Variants in KATNAL2 observed in about 807,000 individuals in gnomAD.
KATNAL2 encodes katanin catalytic subunit A1 like 2, also known as katanin p60 ATPase-containing subunit A-like 2.
KATNAL2 carries 52 observed loss-of-function variants against 76.3 expected under a neutral mutation model. The ratio of observed to expected loss-of-function variants is 0.68; its 90% CI spans 0.55 to 0.86. KATNAL2 has a LOEUF of 0.86. KATNAL2 is among the 40% of genes least tolerant of loss of function. The pLI, the probability that KATNAL2 is intolerant of heterozygous loss-of-function variation, is 0.00. For missense variants in KATNAL2, 660 were observed against 668.9 expected, an observed-to-expected ratio of 0.99 and a Z score of 0.15; for synonymous variants, 243 against 244.2, an observed-to-expected ratio of 1.00 and a Z score of 0.05.
Position 46,946,057 on chromosome 18 carries a change from A to C in KATNAL2, c.-509A>C, listed in dbSNP as rs551235799. The C allele has an allele frequency of 2.0e-4, 64 of 328,152 alleles. No individual in the cohort carries two copies. The highest frequency in any genetic ancestry group is 1.2e-3 in the African/African-American group (55 of 44,488). The allele number at this position is 328,152 out of a possible 1,614,324, so 20.3% of individuals were successfully genotyped here. The stretch of plus-strand genomic sequence containing the variant: ...TACGAGAACTTTTTTTTTTTTGTAG[A>C]TTGAGGAAACTTGAATATTTTTGTA... On this transcript the variant is annotated splice_region_variant and 5_prime_UTR_variant, in exon 2 of 18. Transcript: ENST00000683218.
intron 1 of KATNAL2, among the ~76,000 whole-genome samples, chr18:46,931,355 T>A (rs2058916142): frequency 6.6e-6 from 1 of 151,048 alleles, no homozygotes; most frequent in South Asian, 2.1e-4. Context: ...TTAAATAGAA[T>A]TCAAAATTTA....
intron 4 of KATNAL2, among the ~76,000 whole-genome samples, chr18:47,048,825 ACT>A: frequency 8.2e-6 from 1 of 121,344 alleles, no homozygotes; most frequent in South Asian, 2.6e-4. Context: ...TAGAAGCCAG[ACT>A]CTTTTTTTTT....
At chr18:47,046,602 A>G in intron 4 of KATNAL2, 75 bp downstream of exon 4, 1 of 1,036,302 alleles carries the variant, frequency 9.6e-7, no homozygotes, top group Non-Finnish European at 1.4e-6. Context: ...GCGTACTTTT[A>G]AATACAATAG....
In KATNAL2 at chr18:47,099,273, G is replaced by A. The variant is rs1487711700; in HGVS notation, c.1242G>A (p.Leu414=). The A allele has an allele frequency of 6.2e-7, 1 of 1,614,086 alleles. No individual in the cohort carries two copies. Among genetic ancestry groups the A allele is most frequent in the Non-Finnish European group, 8.5e-7 (1 of 1,179,948 alleles). The change falls in exon 16 of 18, where the codon CTG becomes CTA. Residue 414 remains leucine (L), a synonymous_variant. Transcript: ENST00000683218. ...WELDCAMLRR[L]EKRILVDLPS... is the part of the protein sequence containing the mutation. ...TGGACTGTGCCATGTTACGCCGCCT[G>A]GAGAAGAGGATTCTGGTCGATCTCC... is the stretch of plus-strand genomic sequence containing the variant.
At chr18:47,096,364 A>G (rs2063236666) in intron 15 of KATNAL2, among the ~76,000 whole-genome samples, 1 of 152,114 alleles carries the variant, frequency 6.6e-6, no homozygotes, top group East Asian at 1.9e-4. Flanking sequence ...TTATTTTTTA[A>G]AAAATTTATT....
intron 1 of KATNAL2, among the ~76,000 whole-genome samples, chr18:46,918,724 C>T (rs2058298971): frequency 6.6e-6 from 1 of 152,056 alleles, no homozygotes; most frequent in Non-Finnish European, 1.5e-5. Flanking sequence ...ACCCGGCCTC[C>T]CCTCAAGTTT....
chr18:47,036,135 G>C (rs1288563308), intron 3 of KATNAL2, among the ~76,000 whole-genome samples: 1 of 152,112 alleles, frequency 6.6e-6, no homozygotes, highest in African/African-American at 2.4e-5. Context: ...ACTGGGTGCC[G>C]TTTGCAGAAT....
chr18:46,955,850 G>A (rs954471847), intron 3 of KATNAL2, among the ~76,000 whole-genome samples: 5 of 152,140 alleles, frequency 3.3e-5, no homozygotes, highest in Non-Finnish European at 2.9e-5. Context: ...ACCTTGCCTG[G>A]TTTGGGTCAT....
At chr18:47,033,682 G>A (rs758290047) in intron 3 of KATNAL2, 3 of 1,614,088 alleles carry the variant, frequency 1.9e-6, no homozygotes, top group Non-Finnish European at 2.5e-6. Flanking sequence ...CTGGCGCAGC[G>A]TCGGCACCTG....
Position 47,099,385 on chromosome 18 carries a change from G to A in KATNAL2, c.1354G>A (p.Glu452Lys). The A allele has an allele frequency of 6.2e-7, 1 of 1,613,502 alleles. No homozygotes were observed. The highest frequency in any genetic ancestry group is 8.5e-7 in the Non-Finnish European group (1 of 1,179,626). The change falls in exon 16 of 18, where the codon GAG becomes AAG. Residue 452 changes from glutamate to lysine, a missense_variant. Coordinates refer to ENST00000683218, the MANE Select transcript of KATNAL2 (RefSeq NM_001387690.1). ...GGCCTTGGAGCTGCACACAGAGCTG[G>A]AGTACAGTGTGCTGAGCCAGGTCAG... is the stretch of plus-strand genomic sequence containing the variant. ...SRALELHTEL[E>K]YSVLSQETEG... is the part of the protein sequence containing the mutation.
rs2571029 is a variant in KATNAL2 at position 47,034,219 on chromosome 18, C to G, written c.52-12238C>G. On this transcript the variant is annotated intron_variant, in intron 3 of 17. Transcript: ENST00000683218. Reference sequence around the variant, plus strand: ...GTCCAAATGAGCAGTCGGTGGCTTCCCCTCTTGAGTCTCTCGGTCGTTGGA... The same window carrying G: ...GTCCAAATGAGCAGTCGGTGGCTTCGCCTCTTGAGTCTCTCGGTCGTTGGA... 14 of 1,613,770 alleles carry G rather than the reference C, an allele frequency of 8.7e-6. No homozygotes were observed. In the Admixed American group the frequency reaches 1.0e-4, roughly 12 times the overall value.
chr18:47,033,906 C>G (rs770220168), intron 3 of KATNAL2: 5 of 1,613,202 alleles, frequency 3.1e-6, no homozygotes, highest in South Asian at 2.2e-5. Flanking sequence ...GGCTGGGCAC[C>G]GTTTTCGGCC....
chr18:46,947,829 T>C (rs1464655543), intron 3 of KATNAL2, among the ~76,000 whole-genome samples: 2 of 152,184 alleles, frequency 1.3e-5, no homozygotes, highest in Non-Finnish European at 2.9e-5. Context: ...CAGCCTCTGT[T>C]TATTTCTCTC....
intron 3 of KATNAL2, chr18:47,034,265 G>T (rs1367630813): frequency 6.2e-7 from 1 of 1,613,866 alleles, no homozygotes; most frequent in Admixed American, 1.7e-5. Flanking sequence ...TTCTCCTCGG[G>T]CGACAGGCCG....
Position 47,031,842 on chromosome 18 carries a change from G to A in KATNAL2, c.52-14615G>A, listed in dbSNP as rs111974720. Among the ~76,000 whole-genome samples, 567 of 152,212 alleles carry A rather than the reference G, an allele frequency of 3.7e-3. 8 individuals carry two copies. The highest frequency in any genetic ancestry group is 0.013 in the African/African-American group (544 of 41,532). On this transcript the variant is annotated intron_variant, in intron 3 of 17. Coordinates refer to ENST00000683218, the MANE Select transcript of KATNAL2 (RefSeq NM_001387690.1). ...CTTTTCCCAGAAAGAATGCTTTCTT[G>A]TCTTCCTGAAATGCAGTATCCCTTT... is the stretch of plus-strand genomic sequence containing the variant.
At chr18:46,951,350 T>C (rs1172696444) in intron 3 of KATNAL2, among the ~76,000 whole-genome samples, 2 of 152,092 alleles carry the variant, frequency 1.3e-5, no homozygotes, top group Admixed American at 1.3e-4. Context: ...TCCTAGACTT[T>C]CCAACAGAAC....
intron 15 of KATNAL2, among the ~76,000 whole-genome samples, chr18:47,088,850 G>T (rs1319675192): frequency 1.3e-5 from 2 of 152,176 alleles, no homozygotes; most frequent in South Asian, 4.1e-4. Flanking sequence ...ATCACTTTTA[G>T]CTAATTTCCC....
intron 17 of KATNAL2, among the ~76,000 whole-genome samples, chr18:47,100,617 T>C (rs1247533460): frequency 6.6e-6 from 1 of 152,210 alleles, no homozygotes; most frequent in African/African-American, 2.4e-5. Flanking sequence ...TTTGAGGCAC[T>C]ATATAAATAT....
chr18:47,028,312 TGCTGCTGCCGCCGCCGCTCAC>T (rs762233764), intron 3 of KATNAL2: 1 of 111,486 alleles, frequency 9.0e-6, no homozygotes. Flanking sequence ...GCGTGCCGGT[TGCTGCTGCCGCCGCCGCTCAC>T]GCTGCCGCCG....
Sources: allele counts gnomAD v4.1 joint callset (sites outside exome capture counted in the v4.1 genomes callset), GRCh38; gene constraint gnomAD v4.1.1; transcripts MANE v1.5; gene names NCBI Gene and HGNC (gene_info 2026-07-23, HGNC 2026-07-21).